PDGFRA: variants seen among roughly 807,000 people sequenced by gnomAD.
PDGFRA encodes platelet derived growth factor receptor alpha, also known as platelet-derived growth factor receptor alpha.
Under a neutral mutation model 121.5 loss-of-function variants are expected in PDGFRA, and 25 were observed. That is an observed-to-expected ratio of 0.21 (90% confidence interval 0.15 to 0.29). The LOEUF (loss-of-function observed/expected upper bound fraction) is 0.29. Ranked by LOEUF, PDGFRA falls within the 10% of genes least tolerant of loss-of-function variation. The pLI is 1.00. For synonymous variants in PDGFRA, 463 were observed against 494.8 expected (o/e 0.94, Z 0.85); for missense variants, 1,008 against 1,345.1 (o/e 0.75, Z 3.92).
At chr4:54,277,105 A>G in intron 12 of PDGFRA, 1 of 476,018 alleles carries the variant, frequency 2.1e-6, no homozygotes, top group Non-Finnish European at 3.8e-6. Flanking sequence ...CCCAGCACGG[A>G]GCTGGTAGAC....
intron 16 of PDGFRA, among the ~76,000 whole-genome samples, chr4:54,284,774 G>A (rs982139138): frequency 6.8e-6 from 1 of 147,652 alleles, no homozygotes; most frequent in African/African-American, 2.5e-5. Flanking sequence ...GATTTGGGTG[G>A]GGACACATAT....
intron 15 of PDGFRA, among the ~76,000 whole-genome samples, chr4:54,279,485 A>G (rs950547427): frequency 6.6e-6 from 1 of 152,136 alleles, no homozygotes; most frequent in Non-Finnish European, 1.5e-5. Context: ...CTTCCTTCAC[A>G]ACACAGCTGA....
At chr4:54,281,162 A>G (rs1303689536) in intron 16 of PDGFRA, among the ~76,000 whole-genome samples, 2 of 152,190 alleles carry the variant, frequency 1.3e-5, no homozygotes, top group Non-Finnish European at 2.9e-5. Context: ...GACCAGATGG[A>G]TCACTTCACA....
chr4:54,273,448 T>C, intron 9 of PDGFRA, 89 bp from the exon 10 acceptor site: 1 of 1,024,070 alleles, frequency 9.8e-7, no homozygotes, highest in Non-Finnish European at 1.5e-6. Context: ...AGGTCCCAAC[T>C]CCTTGCCATC....
intron 1 of PDGFRA, among the ~76,000 whole-genome samples, chr4:54,247,331 G>T (rs1197775457): frequency 6.6e-6 from 1 of 152,128 alleles, no homozygotes; most frequent in Non-Finnish European, 1.5e-5. Flanking sequence ...TAAAATACTG[G>T]CAAACAGAAT....
At chr4:54,268,959 G>A (rs564796846) in intron 7 of PDGFRA, among the ~76,000 whole-genome samples, 7 of 152,248 alleles carry the variant, frequency 4.6e-5, no homozygotes, top group Admixed American at 1.3e-4. Flanking sequence ...ATGCTTCAAC[G>A]TGGATTTTTT....
intron 1 of PDGFRA, among the ~76,000 whole-genome samples, chr4:54,235,529 C>G (rs540985322): frequency 6.6e-6 from 1 of 152,360 alleles, no homozygotes; most frequent in South Asian, 2.1e-4. Context: ...ATAGTAGCTG[C>G]AAAGTCATTT....
At chr4:54,243,172 T>A (rs1721404167) in intron 1 of PDGFRA, among the ~76,000 whole-genome samples, 1 of 152,224 alleles carries the variant, frequency 6.6e-6, no homozygotes, top group Non-Finnish European at 1.5e-5. Flanking sequence ...TGCAGTGAAA[T>A]GCTTGGTGAA....
At chr4:54,247,919 A>G (rs1208383583) in intron 1 of PDGFRA, among the ~76,000 whole-genome samples, 3 of 152,234 alleles carry the variant, frequency 2.0e-5, no homozygotes, top group Non-Finnish European at 4.4e-5. Flanking sequence ...GCATTCTTAT[A>G]CACCAATAAC....
rs142498442 is a variant in PDGFRA at position 54,267,616 on chromosome 4, C to T, written c.996C>T (p.Val332=). ...SQLEAVNLHE[V]KHFVVEVRAY... is the part of the protein sequence containing the mutation. ...TGGAAGCTGTCAACCTGCATGAAGT[C>T]AAACATTTTGTTGTAGAGGTGCGGG... is the stretch of plus-strand genomic sequence containing the variant. The change falls in exon 7 of 23, where the codon GTC becomes GTT. Residue 332 remains valine, a synonymous_variant. Coordinates refer to ENST00000257290, the MANE Select transcript of PDGFRA (RefSeq NM_006206.6). The T allele has an allele frequency of 2.9e-3, 4,628 of 1,614,148 alleles. 5 individuals are homozygous for T. Among genetic ancestry groups the T allele is most frequent in the Non-Finnish European group, 3.6e-3 (4,264 of 1,180,004 alleles).
At chr4:54,272,875 G>A (rs561986870) in intron 9 of PDGFRA, among the ~76,000 whole-genome samples, 56 of 152,192 alleles carry the variant, frequency 3.7e-4, no homozygotes, top group African/African-American at 1.3e-3. Context: ...CTGTTTGGTG[G>A]GTTAATTCGC....
intron 18 of PDGFRA, among the ~76,000 whole-genome samples, chr4:54,286,929 C>A (rs1475253201): frequency 1.3e-5 from 2 of 152,166 alleles, no homozygotes. Context: ...CCTGTAGGTA[C>A]AATTCCAAAT....
intron 1 of PDGFRA, 48 bp downstream of exon 1, chr4:54,229,463 A>G: frequency 2.5e-6 from 1 of 396,156 alleles, no homozygotes; most frequent in Non-Finnish European, 4.4e-6. Flanking sequence ...GAAGTCCCTG[A>G]TCAGACTCTG....
chr4:54,278,631 T>G lies in PDGFRA; in HGVS notation c.2156+116T>G, dbSNP rs1476049713. 4 of 1,011,572 alleles carry G rather than the reference T, an allele frequency of 4.0e-6. No individual in the cohort carries two copies. In the East Asian group the frequency reaches 9.6e-5, roughly 24 times the overall value. The allele number at this position is 1,011,572 out of a possible 1,614,324, so 62.7% of individuals were successfully genotyped here. ...GATTCAGTGCCCAAGGTAGCAAGAC[T>G]TAGAGTCAAACCACCCTGTCCAGTC... On this transcript the variant is annotated intron_variant, in intron 15 of 22. Coordinates refer to ENST00000257290, the MANE Select transcript of PDGFRA (RefSeq NM_006206.6).
chr4:54,237,536 A>G (rs1721081560), intron 1 of PDGFRA, among the ~76,000 whole-genome samples: 1 of 152,180 alleles, frequency 6.6e-6, no homozygotes, highest in Admixed American at 6.5e-5. Flanking sequence ...AAGTTTGCTG[A>G]GTGGATTGTC....
In PDGFRA at chr4:54,278,847, AC is replaced by A. The variant is rs1287205695; in HGVS notation, c.2156+334del. 4 of 493,056 alleles carry A rather than the reference AC, an allele frequency of 8.1e-6. No homozygotes were observed. In the East Asian group the frequency reaches 2.3e-4, roughly 28 times the overall value. 30.5% of individuals were successfully genotyped at this position (493,056 alleles called of 1,614,324 possible). Reference sequence around the variant, plus strand: ...TGGCCAGGGATGCTTGAGTTCTGGAACCTTGCAAGAACTGTCTGTGGATCTC... The same window carrying A: ...TGGCCAGGGATGCTTGAGTTCTGGAACTTGCAAGAACTGTCTGTGGATCTC... On this transcript the variant is annotated intron_variant, in intron 15 of 22. Coordinates refer to ENST00000257290, the MANE Select transcript of PDGFRA (RefSeq NM_006206.6).
At chr4:54,278,299 C>T (rs2110314063) in intron 14 of PDGFRA, 63 bp from the exon 15 acceptor site, 1 of 1,342,756 alleles carries the variant, frequency 7.4e-7, no homozygotes, top group African/African-American at 1.5e-5. Flanking sequence ...GTCTGCAGGA[C>T]AATTCATGGC....
rs2110332944 is a variant in PDGFRA, at chr4:54,284,400, G to A, written c.2324-971G>A. Among the ~76,000 whole-genome samples the A allele has an allele frequency of 2.0e-5, 3 of 152,208 alleles. No individual in the cohort carries two copies. In the South Asian group the frequency reaches 6.2e-4, roughly 32 times the overall value. ...TGCATTGCTATAAAGAAATACCTGA[G>A]ACTGAGTAATTTATAAAGAAAAGAG... On this transcript the variant is annotated intron_variant, in intron 16 of 22. Transcript: ENST00000257290.
intron 1 of PDGFRA, among the ~76,000 whole-genome samples, chr4:54,254,723 A>G (rs1251699277): frequency 6.6e-6 from 1 of 152,224 alleles, no homozygotes; most frequent in East Asian, 1.9e-4. Flanking sequence ...GTAGAAGCAC[A>G]CAAGTGTTAC....
Sources: allele counts gnomAD v4.1 joint callset (sites outside exome capture counted in the v4.1 genomes callset), GRCh38; gene constraint gnomAD v4.1.1; transcripts MANE v1.5; gene names NCBI Gene and HGNC (gene_info 2026-07-23, HGNC 2026-07-21).